The following JADE2 variants were observed in gnomAD, a reference collection of about 807,000 sequenced individuals.
JADE2 encodes jade family PHD finger 2.
Under a neutral mutation model 85.7 loss-of-function variants are expected in JADE2, and 13 were observed. That is an observed-to-expected ratio of 0.15 (90% CI 0.10 to 0.24). The LOEUF (loss-of-function observed/expected upper bound fraction) is 0.24. JADE2 is among the 10% of genes least tolerant of loss of function. JADE2 has a pLI of 1.00. For synonymous variants in JADE2, 440 were observed against 456.1 expected (o/e 0.96, Z 0.45); for missense variants, 846 against 1,115.9 (o/e 0.76, Z 3.45).
chr5:134,560,040 T>G, intron 5 of JADE2, 50 bp downstream of exon 5: 1 of 1,602,532 alleles, frequency 6.2e-7, no homozygotes, highest in Non-Finnish European at 8.5e-7. Flanking sequence ...CAGGGAGGGT[T>G]TTCTCCCCAT....
rs1554131240 is a variant in JADE2, at chr5:134,580,435, C to CA, written c.*1118_*1119insA. ...CCCCTCGCACAGCCATCCCCCCCCC[C>CA]GTCCTGCCATCCCCCCCCGCCGTCC... On this transcript the variant is annotated 3_prime_UTR_variant, in exon 12 of 12. Transcript: ENST00000681547. 8.0e-6 allele frequency: 1 copy of CA among 125,162 alleles called. No homozygotes were observed. Among genetic ancestry groups the CA allele is most frequent in the Non-Finnish European group, 1.7e-5 (1 of 58,078 alleles). The allele number at this position is 125,162 out of a possible 1,614,324, so 7.8% of individuals were successfully genotyped here. A position where few individuals can be genotyped will look rare whatever the true frequency, so the allele number is the denominator to read the frequency against.
At chr5:134,524,877 C>G (rs1416833024), upstream of JADE2, among the ~76,000 whole-genome samples, 1 of 152,230 alleles carries the variant, frequency 6.6e-6, no homozygotes, top group African/African-American at 2.4e-5. Context: ...CGCCCCTCCA[C>G]TCCCCTCCTG....
chr5:134,530,564 T>G (rs1761168812), intron 1 of JADE2, among the ~76,000 whole-genome samples: 1 of 152,224 alleles, frequency 6.6e-6, no homozygotes, highest in South Asian at 2.1e-4. Context: ...AGGGCGTTAA[T>G]GGAGGCCCAG....
intron 3 of JADE2, among the ~76,000 whole-genome samples, chr5:134,539,560 G>C (rs904507838): frequency 2.0e-5 from 3 of 152,240 alleles, no homozygotes; most frequent in African/African-American, 7.2e-5. Context: ...ACTGGGGCTG[G>C]ACACTCCTTT....
chr5:134,526,904 G>A, intron 1 of JADE2: 1 of 398,434 alleles, frequency 2.5e-6, no homozygotes, highest in Non-Finnish European at 3.4e-6. Context: ...AGCGGCGGGT[G>A]CGCGCCCGCG....
At chr5:134,572,474 C>T (rs1304389878) in intron 9 of JADE2, among the ~76,000 whole-genome samples, 1 of 152,212 alleles carries the variant, frequency 6.6e-6, no homozygotes, top group African/African-American at 2.4e-5. Context: ...GTTATGCCAA[C>T]AGGCAGGGGG....
rs1561772664 is a variant in JADE2 at position 134,580,424 on chromosome 5, A to AGC, written c.*1107_*1108insGC. On this transcript the variant is annotated 3_prime_UTR_variant, in exon 12 of 12. Transcript: ENST00000681547. ...CTGAGCCTTAACCCCTCGCACAGCC[A>AGC]TCCCCCCCCCCGTCCTGCCATCCCC... 4 of 18,096 alleles carry AGC rather than the reference A, an allele frequency of 2.2e-4. No individual in the cohort carries two copies. The highest frequency in any genetic ancestry group is 7.0e-4 in the Admixed American group (1 of 1,438). The allele number at this position is 18,096 out of a possible 1,614,324, so 1.1% of individuals were successfully genotyped here.
chr5:134,572,464 GTT>G (rs1764093614), intron 9 of JADE2, among the ~76,000 whole-genome samples: 1 of 152,230 alleles, frequency 6.6e-6, no homozygotes, highest in South Asian at 2.1e-4. Flanking sequence ...GGGAGAAATG[GTT>G]ATGCCAACAG....
chr5:134,531,913 T>TTTTTTTTTTG (rs1761270482), intron 1 of JADE2, among the ~76,000 whole-genome samples: 1 of 120,182 alleles, frequency 8.3e-6, no homozygotes, highest in East Asian at 2.8e-4. Context: ...TTTTTTTTTT[T>TTTTTTTTTTG]GAGACAGGGT....
At chr5:134,541,030 G>A (rs375123683) in intron 3 of JADE2, among the ~76,000 whole-genome samples, 4 of 152,134 alleles carry the variant, frequency 2.6e-5, no homozygotes, top group Admixed American at 6.5e-5. Context: ...TACAAGTATC[G>A]ATGCCCAACC....
chr5:134,560,813 G>A lies in JADE2; in HGVS notation c.540G>A (p.Gln180=). The A allele has an allele frequency of 6.2e-7, 1 of 1,614,222 alleles. No homozygotes were observed. The change falls in exon 6 of 12, where the codon CAG becomes CAA. Residue 180 remains glutamine, a synonymous_variant. Transcript: ENST00000681547. The part of the protein sequence containing the change: ...VLEELETLCH[Q]NMARAIETQE... ...AGGAGCTGGAGACCCTGTGCCACCA[G>A]AATATGGCCAGGGCCATTGAGACGC...
chr5:134,547,117 A>G (rs1000100822), intron 3 of JADE2, among the ~76,000 whole-genome samples: 4 of 152,184 alleles, frequency 2.6e-5, no homozygotes, highest in Non-Finnish European at 4.4e-5. Flanking sequence ...TCCTAGGGAA[A>G]TAGGTACAGA....
chr5:134,528,660 T>C (rs1231105869), intron 1 of JADE2, among the ~76,000 whole-genome samples: 2 of 152,198 alleles, frequency 1.3e-5, no homozygotes, highest in East Asian at 3.8e-4. Flanking sequence ...CCAAGTGCTG[T>C]TGGCTGTTGT....
At position 134,582,611 on chromosome 5, in the gene JADE2, C is replaced by G. The variant is rs1764762507; in HGVS notation, c.*3294C>G. 6.6e-6 allele frequency: 1 copy of G among 152,638 alleles called. No homozygotes were observed. The highest frequency in any genetic ancestry group is 1.5e-5 in the Non-Finnish European group (1 of 68,052). 9.5% of individuals were successfully genotyped at this position (152,638 alleles called of 1,614,324 possible). ...GCAAGGCCCTTGGGGAGGGCACTCT[C>G]CCATGCCCTTGGCCTCGCTGGCCAC... On this transcript the variant is annotated 3_prime_UTR_variant, in exon 12 of 12. Coordinates refer to ENST00000681547, the MANE Select transcript of JADE2 (RefSeq NM_001388185.1).
At chr5:134,565,493 C>T (rs1763584388) in intron 8 of JADE2, among the ~76,000 whole-genome samples, 1 of 152,160 alleles carries the variant, frequency 6.6e-6, no homozygotes, top group Non-Finnish European at 1.5e-5. Flanking sequence ...AGCCAGTGAC[C>T]CATCATCAGC....
chr5:134,547,740 G>A (rs554237630), intron 3 of JADE2, among the ~76,000 whole-genome samples: 1 of 152,310 alleles, frequency 6.6e-6, no homozygotes, highest in East Asian at 1.9e-4. Flanking sequence ...CAAAGAAGGA[G>A]GTGGCTGGCC....
intron 2 of JADE2, among the ~76,000 whole-genome samples, chr5:134,537,102 C>T (rs1561727808): frequency 6.6e-6 from 1 of 152,234 alleles, no homozygotes; most frequent in Admixed American, 6.5e-5. Flanking sequence ...TGGCCTGGCT[C>T]AGTGGAACCA....
intron 3 of JADE2, among the ~76,000 whole-genome samples, chr5:134,540,524 G>A (rs1761904438): frequency 6.6e-6 from 1 of 151,862 alleles, no homozygotes; most frequent in African/African-American, 2.4e-5. Flanking sequence ...ATGAGCTACT[G>A]CGCCTAGCCT....
chr5:134,549,719 A>G (rs768890161), intron 3 of JADE2, among the ~76,000 whole-genome samples: 4 of 152,168 alleles, frequency 2.6e-5, no homozygotes, highest in Non-Finnish European at 2.9e-5. Flanking sequence ...TAACCCACCT[A>G]TGCCTCTTTA....
Sources: allele counts gnomAD v4.1 joint callset (sites outside exome capture counted in the v4.1 genomes callset), GRCh38; gene constraint gnomAD v4.1.1; transcripts MANE v1.5; gene names NCBI Gene and HGNC (gene_info 2026-07-23, HGNC 2026-07-21).